The following EIF4G3 variants were observed in gnomAD, a reference collection of about 807,000 sequenced individuals.
EIF4G3 encodes eukaryotic translation initiation factor 4 gamma 3.
Under a neutral mutation model 186.4 loss-of-function variants are expected in EIF4G3, and 34 were observed. That is an observed-to-expected ratio of 0.18 (90% CI 0.14 to 0.24). The LOEUF (loss-of-function observed/expected upper bound fraction) is 0.24, where lower values mean the gene tolerates loss of function less well. Ranked by LOEUF, EIF4G3 falls within the 10% of genes least tolerant of loss-of-function variation. The probability of loss-of-function intolerance (pLI) is 1.00; values close to 1 mark genes in which losing one functional copy is unlikely to be tolerated. For synonymous variants in EIF4G3, 673 were observed against 679.5 expected, an observed-to-expected ratio of 0.99 and a Z score of 0.15; for missense variants, 1,536 against 1,948.5, an observed-to-expected ratio of 0.79 and a Z score of 3.99.
intron 3 of EIF4G3, among the ~76,000 whole-genome samples, chr1:21,061,750 T>TC (rs1464804330): frequency 6.7e-6 from 1 of 150,094 alleles, no homozygotes; most frequent in Non-Finnish European, 1.5e-5. Flanking sequence ...TGTTTTTTTT[T>TC]TTTTTTTTCT....
chr1:21,167,115 C>CTAATTA (rs2097868196), intron 2 of EIF4G3, among the ~76,000 whole-genome samples: 1 of 152,116 alleles, frequency 6.6e-6, no homozygotes, highest in Non-Finnish European at 1.5e-5. Flanking sequence ...TTCTTACATA[C>CTAATTA]TAATTACTAG....
intron 2 of EIF4G3, among the ~76,000 whole-genome samples, chr1:21,154,022 G>A (rs2097592537): frequency 6.6e-6 from 1 of 152,194 alleles, no homozygotes; most frequent in South Asian, 2.1e-4. Context: ...AGAAGCACCA[G>A]ACTTAGCCAG....
intron 2 of EIF4G3, chr1:21,167,930 G>A: frequency 2.7e-6 from 1 of 372,648 alleles, no homozygotes; most frequent in Middle Eastern, 3.8e-4. Flanking sequence ...AAACATTACA[G>A]GAACAATAAC....
chr1:21,149,374 C>T (rs1429404957), intron 2 of EIF4G3, among the ~76,000 whole-genome samples: 2 of 151,782 alleles, frequency 1.3e-5, no homozygotes, highest in Admixed American at 1.3e-4. Flanking sequence ...ATAATGATCA[C>T]ATATGGCTTT....
At chr1:21,112,003 A>G (rs2096734904) in intron 2 of EIF4G3, among the ~76,000 whole-genome samples, 1 of 152,186 alleles carries the variant, frequency 6.6e-6, no homozygotes, top group Admixed American at 6.6e-5. Flanking sequence ...TTTATTAAAT[A>G]TACTTGTTCT....
At chr1:21,045,623 A>C (rs2093837231) in intron 4 of EIF4G3, among the ~76,000 whole-genome samples, 1 of 152,168 alleles carries the variant, frequency 6.6e-6, no homozygotes, top group South Asian at 2.1e-4. Context: ...GAGAAAAAAG[A>C]CCTAGATTTT....
intron 2 of EIF4G3, among the ~76,000 whole-genome samples, chr1:21,109,873 C>T (rs2096687487): frequency 6.6e-6 from 1 of 152,176 alleles, no homozygotes; most frequent in East Asian, 1.9e-4. Context: ...CAACCTCCCC[C>T]GTCTAGGTTC....
chr1:20,997,778 G>A, intron 6 of EIF4G3, 145 bp from the exon 7 acceptor site: 1 of 638,836 alleles, frequency 1.6e-6, no homozygotes, highest in Non-Finnish European at 2.7e-6. Context: ...AACAGTCAAA[G>A]CTTTGCTGCA....
At chr1:21,094,578 A>C (rs1177376366) in intron 2 of EIF4G3, among the ~76,000 whole-genome samples, 2 of 139,328 alleles carry the variant, frequency 1.4e-5, no homozygotes, top group African/African-American at 5.3e-5. Context: ...CAATGAGAAC[A>C]CTTCGACACA....
chr1:21,126,985 T>G lies in EIF4G3; in HGVS notation c.-271-37772A>C, dbSNP rs547862909. Among the ~76,000 whole-genome samples the G allele has an allele frequency of 2.6e-5, 4 of 152,246 alleles. No individual in the cohort carries two copies. The East Asian group carries it at 7.7e-4, about 29-fold the overall frequency. ...ATTTCTATAATTTTTATTGTTGGTG[T>G]TTTTGTTGTTGTTGTTGAGAAAAGG... On this transcript the variant is annotated intron_variant, in intron 2 of 36. Coordinates refer to ENST00000602326, the MANE Select transcript of EIF4G3 (RefSeq NM_001391906.1).
intron 4 of EIF4G3, among the ~76,000 whole-genome samples, chr1:21,007,683 T>C (rs2085668243): frequency 6.6e-6 from 1 of 151,702 alleles, no homozygotes; most frequent in African/African-American, 2.4e-5. Flanking sequence ...TCCATAATAA[T>C]ATTAAGTGAC....
chr1:20,974,589 T>A (rs1412078418), intron 10 of EIF4G3, among the ~76,000 whole-genome samples: 1 of 152,122 alleles, frequency 6.6e-6, no homozygotes, highest in Non-Finnish European at 1.5e-5. Context: ...ATGAAAACCA[T>A]GAGTACAAAT....
chr1:21,141,073 C>G (rs2097329219), intron 2 of EIF4G3, among the ~76,000 whole-genome samples: 1 of 152,090 alleles, frequency 6.6e-6, no homozygotes, highest in African/African-American at 2.4e-5. Flanking sequence ...ACCAACTGTT[C>G]TAAGAACTTC....
At chr1:21,122,837 T>C (rs763442924) in intron 2 of EIF4G3, among the ~76,000 whole-genome samples, 1 of 152,234 alleles carries the variant, frequency 6.6e-6, no homozygotes, top group South Asian at 2.1e-4. Context: ...ATTGCACTTA[T>C]ACTAGTAATA....
rs780331433 is a variant in EIF4G3 at position 20,841,006 on chromosome 1, T to A, written c.3911A>T (p.Glu1304Val). Residue 1304 changes from glutamate to valine, a missense_variant, in exon 30 of 37, where the codon GAG (glutamate) becomes GTG (valine). By Grantham distance (121) the Glu-to-Val change is moderately radical. Around this residue, in one of 11 missense-constraint regions of EIF4G3, gnomAD observed 395 missense variants for 498.9 expected, o/e 0.79. Transcript: ENST00000602326. ...DFKEAMQCVE[E>V]LNAQGLLHVF... is the part of the protein sequence containing the mutation. ...ATGTAGTAGGCCCTGGGCATTCAGC[T>A]CTTCCACACACTGCATGGCTTCCTG... The A allele has an allele frequency of 6.2e-7, 1 of 1,614,140 alleles. No individual in the cohort carries two copies. Among genetic ancestry groups the A allele is most frequent in the Admixed American group, 1.7e-5 (1 of 59,990 alleles).
intron 14 of EIF4G3, among the ~76,000 whole-genome samples, chr1:20,932,540 C>T (rs1448737511): frequency 6.6e-6 from 1 of 152,056 alleles, no homozygotes; most frequent in Non-Finnish European, 1.5e-5. Context: ...TTCACTTGAA[C>T]ACTTAGAAGT....
chr1:20,919,162 T>C (rs78023521), intron 14 of EIF4G3, among the ~76,000 whole-genome samples: 2,620 of 152,332 alleles, frequency 0.017, 83 homozygotes, highest in African/African-American at 0.058. Flanking sequence ...GTTAAACTTA[T>C]ACATATTGTC....
chr1:20,875,564 A>T (rs1042175971), intron 20 of EIF4G3, among the ~76,000 whole-genome samples: 7 of 152,242 alleles, frequency 4.6e-5, no homozygotes, highest in Admixed American at 2.6e-4. Flanking sequence ...CAACCCAGAA[A>T]GCACATATGT....
intron 36 of EIF4G3, among the ~76,000 whole-genome samples, chr1:20,808,431 T>C (rs915697928): frequency 3.3e-5 from 5 of 151,762 alleles, no homozygotes; most frequent in Non-Finnish European, 5.9e-5. Flanking sequence ...CCTTTAATCC[T>C]AGCACTTTGG....
Sources: allele counts gnomAD v4.1 joint callset (sites outside exome capture counted in the v4.1 genomes callset), GRCh38; gene constraint gnomAD v4.1.1; regional missense constraint gnomAD v4.1.1; transcripts MANE v1.5; gene names NCBI Gene and HGNC (gene_info 2026-07-23, HGNC 2026-07-21).